Variants in TACR3 observed in about 807,000 individuals in gnomAD.
The protein encoded by TACR3 is tachykinin receptor 3.
In TACR3, 34 loss-of-function variants were observed where a neutral mutation model predicts 35.0. The ratio of observed to expected loss-of-function variants is 0.97; its 90% CI spans 0.74 to 1.30. The LOEUF (loss-of-function observed/expected upper bound fraction) is 1.30. Among genes scored for constraint, TACR3 ranks in the 50% most tolerant of loss-of-function variants. The probability of loss-of-function intolerance (pLI) is 0.00; values close to 1 mark genes in which losing one functional copy is unlikely to be tolerated. For synonymous variants in TACR3, 233 were observed against 221.1 expected (o/e 1.05, Z -0.48); for missense variants, 558 against 591.7 (o/e 0.94, Z 0.59).
intron 1 of TACR3, among the ~76,000 whole-genome samples, chr4:103,708,975 G>A (rs190007449): frequency 6.6e-5 from 10 of 152,210 alleles, no homozygotes; most frequent in African/African-American, 1.9e-4. Context: ...AAAAAGAAAT[G>A]AACAAAGCCT....
intron 3 of TACR3, among the ~76,000 whole-genome samples, chr4:103,632,105 A>G (rs1725079540): frequency 6.6e-6 from 1 of 152,184 alleles, no homozygotes; most frequent in Admixed American, 6.5e-5. Flanking sequence ...ATTTAACTGT[A>G]TATTAAAAAC....
chr4:103,717,810 A>T (rs924908126), intron 1 of TACR3, among the ~76,000 whole-genome samples: 1 of 127,714 alleles, frequency 7.8e-6, no homozygotes, highest in Admixed American at 7.0e-5. Context: ...TCCCAACTGG[A>T]GTCTGATTTT....
intron 3 of TACR3, among the ~76,000 whole-genome samples, chr4:103,600,967 C>T (rs148111921): frequency 2.2e-3 from 337 of 152,244 alleles, no homozygotes; most frequent in African/African-American, 7.5e-3. Context: ...CTGTAGGTGT[C>T]TATCAGGTCA....
intron 3 of TACR3, among the ~76,000 whole-genome samples, chr4:103,619,556 T>C (rs956787701): frequency 6.6e-6 from 1 of 152,130 alleles, no homozygotes; most frequent in Non-Finnish European, 1.5e-5. Flanking sequence ...CAGTACTATG[T>C]TGAATAGGAG....
intron 3 of TACR3, among the ~76,000 whole-genome samples, chr4:103,634,444 A>G (rs994574017): frequency 1.3e-5 from 2 of 152,056 alleles, no homozygotes; most frequent in Non-Finnish European, 2.9e-5. Flanking sequence ...TAGGTGGTGC[A>G]GCTATACTAG....
chr4:103,697,565 C>T (rs1332268729), intron 1 of TACR3, among the ~76,000 whole-genome samples: 2 of 151,980 alleles, frequency 1.3e-5, no homozygotes, highest in Admixed American at 1.3e-4. Context: ...ACTGGGACTA[C>T]AGGCGCCCGC....
intron 1 of TACR3, among the ~76,000 whole-genome samples, chr4:103,672,272 T>G (rs1255635004): frequency 6.6e-6 from 1 of 152,144 alleles, no homozygotes; most frequent in Non-Finnish European, 1.5e-5. Context: ...ATGGTGAATC[T>G]TTTCCAGAAG....
chr4:103,681,204 G>A (rs1450254943), intron 1 of TACR3, among the ~76,000 whole-genome samples: 1 of 151,894 alleles, frequency 6.6e-6, no homozygotes, highest in African/African-American at 2.4e-5. Flanking sequence ...ATCACATACA[G>A]TATTCCACAC....
chr4:103,635,927 G>GT (rs1301558792), intron 3 of TACR3, among the ~76,000 whole-genome samples: 8 of 151,548 alleles, frequency 5.3e-5, no homozygotes, highest in Non-Finnish European at 1.2e-4. Context: ...CTTTTGCTTT[G>GT]TATCATCACT....
intron 1 of TACR3, among the ~76,000 whole-genome samples, chr4:103,704,682 CAT>C (rs956867812): frequency 6.6e-6 from 1 of 152,134 alleles, no homozygotes; most frequent in Non-Finnish European, 1.5e-5. Flanking sequence ...TCCCTTGACA[CAT>C]AGGGATTATG....
chr4:103,627,181 C>CAAAAAAAAAA (rs33988758), intron 3 of TACR3, among the ~76,000 whole-genome samples: 2 of 24,704 alleles, frequency 8.1e-5, no homozygotes, highest in African/African-American at 3.0e-4. Context: ...GACTCCGTCT[C>CAAAAAAAAAA]AAAAAAAAAA....
intron 1 of TACR3, among the ~76,000 whole-genome samples, chr4:103,673,329 T>C (rs186274037): frequency 4.9e-4 from 74 of 152,304 alleles, no homozygotes; most frequent in African/African-American, 1.7e-3. Flanking sequence ...CTAGCTTAAC[T>C]CACTCAAATA....
chr4:103,636,406 T>C (rs1007658226), intron 3 of TACR3, among the ~76,000 whole-genome samples: 4 of 152,084 alleles, frequency 2.6e-5, no homozygotes, highest in Admixed American at 2.6e-4. Context: ...CTCTGGTACT[T>C]AGATGAATTT....
At chr4:103,677,404 C>A (rs79688708) in intron 1 of TACR3, among the ~76,000 whole-genome samples, 1 of 152,066 alleles carries the variant, frequency 6.6e-6, no homozygotes, top group Non-Finnish European at 1.5e-5. Context: ...AGGACACATG[C>A]ATGTGTATGT....
chr4:103,700,439 C>T (rs1001392721), intron 1 of TACR3, among the ~76,000 whole-genome samples: 2 of 152,094 alleles, frequency 1.3e-5, no homozygotes, highest in African/African-American at 2.4e-5. Context: ...GATGATAATA[C>T]AAGCTCAAAA....
chr4:103,602,090 T>C (rs1362765507), intron 3 of TACR3, among the ~76,000 whole-genome samples: 1 of 152,156 alleles, frequency 6.6e-6, no homozygotes, highest in Non-Finnish European at 1.5e-5. Context: ...CATTTCTTTT[T>C]ATTCTTTTTT....
At position 103,647,959 on chromosome 4, in the gene TACR3, T is replaced by C. The variant is rs998198188; in HGVS notation, c.888+8235A>G. Among the ~76,000 whole-genome samples the C allele has an allele frequency of 3.6e-4, 54 of 152,026 alleles. 1 individual carries two copies. The highest frequency in any genetic ancestry group is 5.9e-5 in the Non-Finnish European group (4 of 67,950). On this transcript the variant is annotated intron_variant, in intron 3 of 4. Transcript: ENST00000304883. ...ATAACATAAAAATGTGAGATATTTC[T>C]ACTGGCTATACTTCAAAGAATATAA...
At chr4:103,695,313 C>T (rs1722497799) in intron 1 of TACR3, among the ~76,000 whole-genome samples, 1 of 152,092 alleles carries the variant, frequency 6.6e-6, no homozygotes, top group South Asian at 2.1e-4. Context: ...GTTTCTCCTT[C>T]CACCTCCTCC....
At chr4:103,671,406 A>G (rs1726054837) in intron 1 of TACR3, among the ~76,000 whole-genome samples, 1 of 151,764 alleles carries the variant, frequency 6.6e-6, no homozygotes, top group East Asian at 1.9e-4. Flanking sequence ...AAGCATTGAA[A>G]CCATCAAGTC....
Sources: gnomAD v4.1 joint callset for allele counts (sites outside exome capture counted in the v4.1 genomes callset) on GRCh38, gnomAD v4.1.1 for gene constraint, MANE v1.5 for transcripts, NCBI Gene and HGNC (gene_info 2026-07-23, HGNC 2026-07-21) for gene names.